STX17: variants seen among roughly 807,000 people sequenced by gnomAD.
STX17 encodes syntaxin 17.
STX17 carries 29 observed loss-of-function variants against 35.9 expected under a neutral mutation model. That is an observed-to-expected ratio of 0.81 (90% CI 0.60 to 1.10). The LOEUF is 1.10. Among genes scored for constraint, STX17 ranks in the 50% least tolerant of loss-of-function variants. The pLI, the probability that STX17 is intolerant of heterozygous loss-of-function variation, is 0.00. For synonymous variants in STX17, 92 were observed against 118.3 expected (o/e 0.78, Z 1.44); for missense variants, 312 against 352.3 (o/e 0.89, Z 0.92).
intron 1 of STX17, among the ~76,000 whole-genome samples, chr9:99,912,349 G>A (rs1045618830): frequency 6.6e-6 from 1 of 151,218 alleles, no homozygotes; most frequent in Non-Finnish European, 1.5e-5. Flanking sequence ...GTTTTTATTT[G>A]CATTTCCCTG....
chr9:99,962,587 A>G (rs775170258), intron 6 of STX17, among the ~76,000 whole-genome samples: 20 of 152,190 alleles, frequency 1.3e-4, no homozygotes, highest in African/African-American at 1.2e-4. Flanking sequence ...TTTCTTTTCT[A>G]CTGGGATAGG....
chr9:99,939,146 G>C (rs1024304219), intron 3 of STX17, among the ~76,000 whole-genome samples: 22 of 152,126 alleles, frequency 1.4e-4, no homozygotes, highest in Admixed American at 1.2e-3. Flanking sequence ...GATTTAAAAG[G>C]GAGAAACAAT....
At chr9:99,958,714 T>G (rs183243448) in intron 4 of STX17, among the ~76,000 whole-genome samples, 25 of 152,356 alleles carry the variant, frequency 1.6e-4, no homozygotes, top group Admixed American at 1.6e-3. Context: ...CTCAGCACAC[T>G]GATCAGCAGG....
In STX17 at chr9:99,967,710, G is replaced by T. The variant is rs1829944685; in HGVS notation, c.640G>T (p.Val214Phe). 6.2e-7 allele frequency: 1 copy of T among 1,613,954 alleles called. No individual in the cohort carries two copies. The highest frequency in any genetic ancestry group is 1.1e-5 in the South Asian group (1 of 91,082). Residue 214 changes from valine to phenylalanine, a missense_variant, in exon 7 of 8, where the codon GTT becomes TTT. Coordinates refer to ENST00000259400, the MANE Select transcript of STX17 (RefSeq NM_017919.3). ...CCATGTCAACAGTGCTGCTGTGAATGTTGAAGAGGGAACCAAAAACTTAGG... is the reference window on the plus strand; with the variant it reads ...CCATGTCAACAGTGCTGCTGTGAATTTTGAAGAGGGAACCAAAAACTTAGG... Reference protein sequence around the residue: ...ADHVNSAAVNVEEGTKNLGKA... With the variant: ...ADHVNSAAVNFEEGTKNLGKA...
At chr9:99,912,848 A>G (rs1287706584) in intron 1 of STX17, among the ~76,000 whole-genome samples, 5 of 152,094 alleles carry the variant, frequency 3.3e-5, no homozygotes, top group African/African-American at 4.8e-5. Context: ...AGTTTATTCT[A>G]TTCATTGCTC....
intron 4 of STX17, among the ~76,000 whole-genome samples, chr9:99,951,714 A>AGT (rs904569074): frequency 2.0e-4 from 31 of 152,120 alleles, no homozygotes; most frequent in African/African-American, 7.0e-4. Context: ...GACAACATTA[A>AGT]GTAATCTACA....
chr9:99,959,279 A>C (rs1829780289), intron 4 of STX17, among the ~76,000 whole-genome samples: 1 of 152,100 alleles, frequency 6.6e-6, no homozygotes. Flanking sequence ...GTCATGGCTT[A>C]CGCCTGTAAT....
chr9:99,919,882 G>A (rs1288347238), intron 2 of STX17, among the ~76,000 whole-genome samples: 1 of 152,172 alleles, frequency 6.6e-6, no homozygotes, highest in Non-Finnish European at 1.5e-5. Flanking sequence ...CTATGAAAAT[G>A]GATGGCATGG....
intron 1 of STX17, among the ~76,000 whole-genome samples, chr9:99,913,156 T>C (rs549434004): frequency 6.6e-6 from 1 of 152,252 alleles, no homozygotes; most frequent in South Asian, 2.1e-4. Flanking sequence ...TTCCCTTCCA[T>C]GTATTTAGGC....
intron 4 of STX17, among the ~76,000 whole-genome samples, chr9:99,952,116 T>C (rs1048950100): frequency 1.3e-5 from 2 of 152,150 alleles, no homozygotes; most frequent in Non-Finnish European, 2.9e-5. Context: ...TGTTATATTT[T>C]ATAAATTATT....
chr9:99,907,562 C>T lies in STX17; in HGVS notation c.-63+856C>T, dbSNP rs73654147. Among the ~76,000 whole-genome samples the T allele has an allele frequency of 6.3e-3, 964 of 152,198 alleles. 7 individuals are homozygous for T. The highest frequency in any genetic ancestry group is 0.022 in the African/African-American group (930 of 41,520). On this transcript the variant is annotated intron_variant, in intron 1 of 7. Transcript: ENST00000259400. ...AAGCACCTGGCACAGTCCTGGCACC[C>T]CTCTCTCCAAGTATTAATGCAGTGA...
Position 99,939,299 on chromosome 9 carries a change from G to A in STX17, c.189+10456G>A, listed in dbSNP as rs117518183. Among the ~76,000 whole-genome samples the A allele has an allele frequency of 1.4e-4, 21 of 152,190 alleles. No homozygotes were observed. The East Asian group carries it at 4.1e-3, about 29-fold the overall frequency. ...GTGGATTCCAAAATGAATGCTATTAGGATATAACTTGTTTTAGTTTATTGT... is the reference window on the plus strand; with the variant it reads ...GTGGATTCCAAAATGAATGCTATTAAGATATAACTTGTTTTAGTTTATTGT... On this transcript the variant is annotated intron_variant, in intron 3 of 7. Coordinates refer to ENST00000259400, the MANE Select transcript of STX17 (RefSeq NM_017919.3).
In STX17 at chr9:99,969,605, A is replaced by G. The variant is rs1419263737; in HGVS notation, c.*932A>G. The G allele has an allele frequency of 1.3e-5, 2 of 152,494 alleles. No homozygotes were observed. The highest frequency in any genetic ancestry group is 1.3e-4 in the Admixed American group (2 of 15,260). The allele number at this position is 152,494 out of a possible 1,614,324, so 9.4% of individuals were successfully genotyped here. A position where few individuals can be genotyped will look rare whatever the true frequency, so the allele number is the denominator to read the frequency against. On this transcript the variant is annotated 3_prime_UTR_variant, in exon 8 of 8. Coordinates refer to ENST00000259400, the MANE Select transcript of STX17 (RefSeq NM_017919.3). ...CATTGTTAGAGTTTGGGCTAAAATG[A>G]GCAAGGAGAAAAAAACCACCAAGAA... is the stretch of plus-strand genomic sequence containing the variant.
chr9:99,952,074 T>G (rs1024097767), intron 4 of STX17, among the ~76,000 whole-genome samples: 1 of 152,102 alleles, frequency 6.6e-6, no homozygotes, highest in Non-Finnish European at 1.5e-5. Flanking sequence ...TTTGTTTCAG[T>G]GTTTCTCTTT....
intron 2 of STX17, among the ~76,000 whole-genome samples, chr9:99,921,171 C>T (rs964076029): frequency 6.6e-6 from 1 of 152,086 alleles, no homozygotes; most frequent in Non-Finnish European, 1.5e-5. Context: ...AAACTTCTAA[C>T]ATGCTTGAAA....
intron 3 of STX17, among the ~76,000 whole-genome samples, chr9:99,944,184 T>G (rs1265191889): frequency 6.6e-6 from 1 of 152,024 alleles, no homozygotes; most frequent in Admixed American, 6.5e-5. Context: ...TATTTATGCC[T>G]TCTCTATTTT....
chr9:99,952,833 G>A (rs1173544641), intron 4 of STX17, among the ~76,000 whole-genome samples: 2 of 143,642 alleles, frequency 1.4e-5, no homozygotes, highest in Non-Finnish European at 3.0e-5. Context: ...TGAACAATGA[G>A]AACACATGGA....
chr9:99,936,879 C>G (rs566361402), intron 3 of STX17, among the ~76,000 whole-genome samples: 2 of 151,992 alleles, frequency 1.3e-5, no homozygotes, highest in Non-Finnish European at 2.9e-5. Flanking sequence ...GCTTAATGCC[C>G]TTATGTAGAT....
intron 6 of STX17, chr9:99,967,185 T>C (rs1473858021): frequency 6.1e-6 from 1 of 162,850 alleles, no homozygotes; most frequent in Admixed American, 5.7e-5. Flanking sequence ...CATAACAATT[T>C]GTATTTATTG....
Sources: gnomAD v4.1 joint callset for allele counts (sites outside exome capture counted in the v4.1 genomes callset) on GRCh38, gnomAD v4.1.1 for gene constraint, MANE v1.5 for transcripts, NCBI Gene and HGNC (gene_info 2026-07-23, HGNC 2026-07-21) for gene names.